TRPM3: variants seen among roughly 807,000 people sequenced by gnomAD.
TRPM3 encodes the protein transient receptor potential cation channel subfamily M member 3, also known as long transient receptor potential channel 3.
In TRPM3, 77 loss-of-function variants were observed where a neutral mutation model predicts 181.2. The ratio of observed to expected loss-of-function variants is 0.42; its 90% CI spans 0.35 to 0.51. The LOEUF is 0.51. Among genes scored for constraint, TRPM3 ranks in the 20% least tolerant of loss-of-function variants. The pLI is 0.01. For synonymous variants in TRPM3, 745 were observed against 796.4 expected (o/e 0.94, Z 1.09); for missense variants, 1,759 against 2,196.7 (o/e 0.80, Z 3.98).
chr9:71,334,028 C>G (rs978532757), intron 1 of TRPM3, among the ~76,000 whole-genome samples: 3 of 151,884 alleles, frequency 2.0e-5, no homozygotes, highest in South Asian at 4.2e-4. Flanking sequence ...CGAAAGTGAG[C>G]ATTCATTGAT....
At chr9:71,324,430 G>C (rs2089495525) in intron 1 of TRPM3, among the ~76,000 whole-genome samples, 1 of 151,834 alleles carries the variant, frequency 6.6e-6, no homozygotes, top group Admixed American at 6.6e-5. Flanking sequence ...TATTTTCCTA[G>C]TCAGAATGGC....
intron 1 of TRPM3, among the ~76,000 whole-genome samples, chr9:71,078,890 T>A (rs760068953): frequency 2.0e-5 from 3 of 152,208 alleles, no homozygotes; most frequent in Non-Finnish European, 4.4e-5. Flanking sequence ...GCCATGACTG[T>A]CACCTTTTCT....
chr9:71,036,829 G>A (rs2132852441), intron 1 of TRPM3, among the ~76,000 whole-genome samples: 1 of 152,284 alleles, frequency 6.6e-6, no homozygotes, highest in East Asian at 1.9e-4. Flanking sequence ...GTGGTTCAAT[G>A]GAAGGTGCAG....
chr9:70,577,491 T>C (rs1447961494), intron 22 of TRPM3, among the ~76,000 whole-genome samples: 2 of 152,230 alleles, frequency 1.3e-5, no homozygotes, highest in Non-Finnish European at 2.9e-5. Context: ...GTGCCTGGCC[T>C]GGTGCCAGCC....
intron 24 of TRPM3, among the ~76,000 whole-genome samples, chr9:70,551,751 C>T (rs942126990): frequency 2.0e-5 from 3 of 152,140 alleles, no homozygotes; most frequent in African/African-American, 7.2e-5. Flanking sequence ...ATTTTGTATC[C>T]CATGCTCCTC....
chr9:70,889,197 AT>A (rs2096149398), intron 1 of TRPM3, among the ~76,000 whole-genome samples: 3 of 152,180 alleles, frequency 2.0e-5, no homozygotes, highest in Admixed American at 2.0e-4. Flanking sequence ...GGTCAAGCCC[AT>A]ATGGGACAAA....
intron 22 of TRPM3, among the ~76,000 whole-genome samples, chr9:70,567,207 G>C (rs2050832562): frequency 6.6e-6 from 1 of 152,190 alleles, no homozygotes; most frequent in Non-Finnish European, 1.5e-5. Flanking sequence ...ATAGCCAGAG[G>C]TTAACCTGAA....
At chr9:70,980,184 G>A (rs913100171) in intron 1 of TRPM3, among the ~76,000 whole-genome samples, 2 of 151,976 alleles carry the variant, frequency 1.3e-5, no homozygotes, top group East Asian at 3.9e-4. Flanking sequence ...CAGGCGTTGT[G>A]GTGCCAACCG....
At chr9:70,995,160 T>C (rs529590247) in intron 1 of TRPM3, among the ~76,000 whole-genome samples, 2 of 152,278 alleles carry the variant, frequency 1.3e-5, no homozygotes, top group South Asian at 4.1e-4. Flanking sequence ...AGGCTGAAAA[T>C]TAGTCTACAA....
chr9:71,427,353 G>A (rs2093882579), intron 1 of TRPM3, among the ~76,000 whole-genome samples: 1 of 152,144 alleles, frequency 6.6e-6, no homozygotes, highest in South Asian at 2.1e-4. Context: ...CACTTCAGCT[G>A]TATTTATTTA....
At chr9:71,194,170 T>G (rs182999428) in intron 1 of TRPM3, among the ~76,000 whole-genome samples, 1 of 152,022 alleles carries the variant, frequency 6.6e-6, no homozygotes, top group African/African-American at 2.4e-5. Flanking sequence ...CAACTTACAA[T>G]TATAGATCAC....
chr9:70,827,788 G>A (rs1286385894), intron 6 of TRPM3, 59 bp downstream of exon 6: 2 of 1,569,758 alleles, frequency 1.3e-6, no homozygotes, highest in Non-Finnish European at 1.7e-6. Flanking sequence ...TGTACTTAAA[G>A]TTATTCACTT....
At chr9:71,271,078 T>G (rs1032647403) in intron 1 of TRPM3, among the ~76,000 whole-genome samples, 3 of 152,144 alleles carry the variant, frequency 2.0e-5, no homozygotes, top group African/African-American at 7.2e-5. Flanking sequence ...AACCACGAGA[T>G]AGAATAAATG....
intron 1 of TRPM3, among the ~76,000 whole-genome samples, chr9:70,935,873 A>T (rs911306550): frequency 3.9e-5 from 6 of 152,154 alleles, no homozygotes; most frequent in Non-Finnish European, 8.8e-5. Flanking sequence ...CAATTCCCAA[A>T]TTTGCTCTAG....
chr9:71,162,553 C>T (rs537910433), intron 1 of TRPM3, among the ~76,000 whole-genome samples: 9 of 152,092 alleles, frequency 5.9e-5, no homozygotes, highest in Non-Finnish European at 1.0e-4. Flanking sequence ...AAGAAAACAA[C>T]GGTCCTCAAA....
chr9:70,780,279 T>A (rs1019496729), intron 7 of TRPM3, among the ~76,000 whole-genome samples: 20 of 152,206 alleles, frequency 1.3e-4, no homozygotes, highest in Admixed American at 5.2e-4. Flanking sequence ...AAAACATTTT[T>A]AATCATATTT....
intron 1 of TRPM3, among the ~76,000 whole-genome samples, chr9:71,138,762 G>C (rs1211182507): frequency 2.0e-5 from 3 of 152,068 alleles, no homozygotes; most frequent in Admixed American, 6.6e-5. Context: ...AGGCTTCCTT[G>C]GGGAGAACTT....
chr9:71,155,270 C>T (rs2075931399), intron 1 of TRPM3, among the ~76,000 whole-genome samples: 1 of 152,034 alleles, frequency 6.6e-6, no homozygotes, highest in South Asian at 2.1e-4. Context: ...TTAACACATT[C>T]ATTCAACAGA....
chr9:70,565,747 T>C (rs950919023), intron 22 of TRPM3, among the ~76,000 whole-genome samples: 4 of 152,242 alleles, frequency 2.6e-5, no homozygotes, highest in Admixed American at 6.5e-5. Context: ...CCCACATTAC[T>C]AAATCATTTT....
Sources: allele counts gnomAD v4.1 joint callset (sites outside exome capture counted in the v4.1 genomes callset), GRCh38; gene constraint gnomAD v4.1.1; transcripts MANE v1.5; gene names NCBI Gene and HGNC (gene_info 2026-07-23, HGNC 2026-07-21).